Variants in GNA13 observed in about 807,000 individuals in gnomAD.
GNA13 encodes the protein G protein subunit alpha 13.
In GNA13, 4 loss-of-function variants were observed where a neutral mutation model predicts 33.5. That is an observed-to-expected ratio of 0.12 (90% CI 0.06 to 0.27). The LOEUF is 0.27. Among genes scored for constraint, GNA13 ranks in the 10% least tolerant of loss-of-function variants. GNA13 has a pLI of 1.00. For missense variants in GNA13, 319 were observed against 487.2 expected (o/e 0.65, Z 3.25); for synonymous variants, 176 against 183.8 (o/e 0.96, Z 0.34).
chr17:65,053,221 A>T (rs1907918101), intron 2 of GNA13: 2 of 379,518 alleles, frequency 5.3e-6, no homozygotes, highest in East Asian at 9.5e-5. Flanking sequence ...TACATATGAG[A>T]TATGCTGGGA....
At chr17:65,047,661 CTTT>C (rs34243706) in intron 2 of GNA13, among the ~76,000 whole-genome samples, 3 of 147,294 alleles carry the variant, frequency 2.0e-5, no homozygotes, top group Admixed American at 2.0e-4. Context: ...GACTCTGATT[CTTT>C]TTTTTTTTTA....
chr17:65,020,669 G>A (rs529195150), intron 2 of GNA13, among the ~76,000 whole-genome samples: 2 of 128,056 alleles, frequency 1.6e-5, no homozygotes, highest in South Asian at 4.8e-4. Context: ...TTTTTTTTTT[G>A]AGACAGGGTC....
At chr17:65,036,803 G>A in intron 2 of GNA13, among the ~76,000 whole-genome samples, 1 of 152,220 alleles carries the variant, frequency 6.6e-6, no homozygotes, top group East Asian at 1.9e-4. Flanking sequence ...AAAATGACCA[G>A]AACTCGACTA....
rs1278782179 is a variant in GNA13 at position 65,028,426 on chromosome 17, A to AT, written c.511-10124_511-10123insA. On this transcript the variant is annotated intron_variant, in intron 2 of 3. Coordinates refer to ENST00000439174, the MANE Select transcript of GNA13 (RefSeq NM_006572.6). ...TGTCTCCAAAAAAAAAAAAAAAAAAAATACCACCTACCATATAAGGAAGAA... is the reference window on the plus strand; with the variant it reads ...TGTCTCCAAAAAAAAAAAAAAAAAAATATACCACCTACCATATAAGGAAGAA... Among the ~76,000 whole-genome samples, 129 of 151,244 alleles carry AT rather than the reference A, an allele frequency of 8.5e-4. 1 individual carries two copies. Among genetic ancestry groups the AT allele is most frequent in the African/African-American group, 3.0e-3 (123 of 40,826 alleles).
intron 2 of GNA13, among the ~76,000 whole-genome samples, chr17:65,037,742 G>A (rs1286147230): frequency 9.2e-6 from 1 of 108,436 alleles, no homozygotes; most frequent in African/African-American, 3.6e-5. Context: ...GACCAGCCTA[G>A]GCAACATGGA....
Position 65,053,669 on chromosome 17 carries a change from T to G in GNA13, c.343A>C (p.Asn115His), listed in dbSNP as rs1278568436. The G allele has an allele frequency of 6.2e-7, 1 of 1,614,146 alleles. No homozygotes were observed. The highest frequency in any genetic ancestry group is 1.3e-5 in the African/African-American group (1 of 75,040). The stretch of plus-strand genomic sequence containing the variant: ...ATCATCTTATCTCCATGTTGTTGGT[T>G]TGAGTTGTCTCCCCAGGGAATATGA... ...KLHIPWGDNS[N>H]QQHGDKMMSF... is the part of the protein sequence containing the mutation. Residue 115 changes from asparagine to histidine, a missense_variant, in exon 2 of 4, where the codon AAC becomes CAC. By Grantham distance (68) the Asn-to-His change is moderately conservative. Coordinates refer to ENST00000439174, the MANE Select transcript of GNA13 (RefSeq NM_006572.6).
intron 2 of GNA13, among the ~76,000 whole-genome samples, chr17:65,047,078 A>AT (rs1398208491): frequency 6.6e-6 from 1 of 152,252 alleles, no homozygotes; most frequent in Non-Finnish European, 1.5e-5. Context: ...ACTGACGGAA[A>AT]TTTTAAAAAA....
rs999147248 is a variant in GNA13 at position 65,012,656 on chromosome 17, G to A, written c.*1601C>T. ...TAGTTCACTGAAAAGCCCCACTCTC[G>A]TATCAGACAGCAAGACAGAACAACA... On this transcript the variant is annotated 3_prime_UTR_variant, in exon 4 of 4. Transcript: ENST00000439174. 1.3e-5 allele frequency: 3 copies of A among 229,732 alleles called. No individual in the cohort carries two copies. Among genetic ancestry groups the A allele is most frequent in the African/African-American group, 4.4e-5 (2 of 44,954 alleles). 14.2% of individuals were successfully genotyped at this position (229,732 alleles called of 1,614,324 possible). A position where few individuals can be genotyped will look rare whatever the true frequency, so the allele number is the denominator to read the frequency against.
chr17:65,043,382 G>T (rs1907534068), intron 2 of GNA13, among the ~76,000 whole-genome samples: 1 of 151,934 alleles, frequency 6.6e-6, no homozygotes, highest in South Asian at 2.1e-4. Context: ...TGCCTCCCAG[G>T]GTCAAGCAGT....
chr17:65,031,735 T>C (rs532010476), intron 2 of GNA13, among the ~76,000 whole-genome samples: 2 of 152,176 alleles, frequency 1.3e-5, no homozygotes, highest in South Asian at 2.1e-4. Flanking sequence ...AGCAAACTTA[T>C]TAACTTGCTT....
intron 2 of GNA13, among the ~76,000 whole-genome samples, chr17:65,045,831 G>T (rs1335755107): frequency 6.6e-6 from 1 of 152,176 alleles, no homozygotes; most frequent in East Asian, 1.9e-4. Flanking sequence ...AAAATAATGT[G>T]CTAAAACTTA....
chr17:65,029,436 C>T (rs1227574516), intron 2 of GNA13, among the ~76,000 whole-genome samples: 1 of 152,198 alleles, frequency 6.6e-6, no homozygotes, highest in Non-Finnish European at 1.5e-5. Context: ...GAACAAGTAA[C>T]CTTATGCTCC....
chr17:65,023,747 A>G (rs1906673398), intron 2 of GNA13, among the ~76,000 whole-genome samples: 1 of 152,230 alleles, frequency 6.6e-6, no homozygotes. Flanking sequence ...TCTAAACTCT[A>G]ACTACAGTTC....
chr17:65,030,421 C>G (rs780238534), intron 2 of GNA13, among the ~76,000 whole-genome samples: 8 of 152,228 alleles, frequency 5.3e-5, no homozygotes, highest in Non-Finnish European at 1.5e-5. Context: ...ATGATTAATA[C>G]CGGAAATCTG....
chr17:65,044,910 GC>G (rs1371945868), intron 2 of GNA13, among the ~76,000 whole-genome samples: 1 of 151,804 alleles, frequency 6.6e-6, no homozygotes. Context: ...AGGCATGGTG[GC>G]CCATACCTGT....
At position 65,018,138 on chromosome 17, in the gene GNA13, A is replaced by AAAAAAAG. The variant is rs1555600538; in HGVS notation, c.561+114_561+115insCTTTTTT. The AAAAAAAG allele has an allele frequency of 2.9e-5, 2 of 69,632 alleles. 1 individual carries two copies. Among genetic ancestry groups the AAAAAAAG allele is most frequent in the African/African-American group, 1.2e-4 (2 of 16,176 alleles). 4.3% of individuals were successfully genotyped at this position (69,632 alleles called of 1,614,324 possible). Reference sequence around the variant, plus strand: ...AAAAAAAAAAAAAAAAAAAAAAAAAAAGAGAGAAAGAAGCAAATAGCTTAA... The same window carrying AAAAAAAG: ...AAAAAAAAAAAAAAAAAAAAAAAAAAAAAAAAGAGAGAGAAAGAAGCAAATAGCTTAA... On this transcript the variant is annotated intron_variant, in intron 3 of 3. Coordinates refer to ENST00000439174, the MANE Select transcript of GNA13 (RefSeq NM_006572.6).
At position 65,010,289 on chromosome 17, in the gene GNA13, A is replaced by G. The variant is rs929460395; in HGVS notation, c.*3968T>C. Among the ~76,000 whole-genome samples the G allele has an allele frequency of 6.6e-6, 1 of 152,178 alleles. No homozygotes were observed. ...CTAGTATCTACTTGATGGAACTTGAAAAAGCCATAAAGTCCAACTTGTTTA... is the reference window on the plus strand; with the variant it reads ...CTAGTATCTACTTGATGGAACTTGAGAAAGCCATAAAGTCCAACTTGTTTA... On this transcript the variant is annotated 3_prime_UTR_variant, in exon 4 of 4. Transcript: ENST00000439174.
At chr17:65,043,411 C>T (rs957837889) in intron 2 of GNA13, among the ~76,000 whole-genome samples, 1 of 151,966 alleles carries the variant, frequency 6.6e-6, no homozygotes, top group Non-Finnish European at 1.5e-5. Flanking sequence ...TTCAGACCCC[C>T]GAGTAGCTGG....
intron 2 of GNA13, among the ~76,000 whole-genome samples, chr17:65,025,156 C>T (rs192113359): frequency 2.0e-5 from 3 of 152,224 alleles, no homozygotes; most frequent in Non-Finnish European, 2.9e-5. Context: ...CTTCGGCCTC[C>T]GGGAGTGCTG....
Sources: gnomAD v4.1 joint callset for allele counts (sites outside exome capture counted in the v4.1 genomes callset) on GRCh38, gnomAD v4.1.1 for gene constraint, MANE v1.5 for transcripts, NCBI Gene and HGNC (gene_info 2026-07-23, HGNC 2026-07-21) for gene names.